ASTN2: variants seen among roughly 807,000 people sequenced by gnomAD.
ASTN2 encodes the protein astrotactin-2.
Under a neutral mutation model 139.8 loss-of-function variants are expected in ASTN2, and 54 were observed. The observed-to-expected ratio is 0.39, with a 90% CI of 0.31 to 0.48. ASTN2 has a LOEUF of 0.48. ASTN2 is among the 20% of genes least tolerant of loss of function. The pLI, the probability that ASTN2 is intolerant of heterozygous loss-of-function variation, is 0.95. For missense variants in ASTN2, 1,565 were observed against 1,725.1 expected, an observed-to-expected ratio of 0.91 and a Z score of 1.64; for synonymous variants, 756 against 719.5, an observed-to-expected ratio of 1.05 and a Z score of -0.81.
At chr9:116,622,848 T>C (rs1263797358) in intron 17 of ASTN2, among the ~76,000 whole-genome samples, 1 of 152,240 alleles carries the variant, frequency 6.6e-6, no homozygotes, top group Non-Finnish European at 1.5e-5. Context: ...CCAGAACCTA[T>C]GCTAAGAACA....
At chr9:117,039,169 A>G (rs1165661147) in intron 6 of ASTN2, among the ~76,000 whole-genome samples, 1 of 152,176 alleles carries the variant, frequency 6.6e-6, no homozygotes, top group Admixed American at 6.5e-5. Flanking sequence ...TTAAAACTTT[A>G]TCGTTGCTCA....
At chr9:116,527,409 C>T (rs868758420) in intron 19 of ASTN2, among the ~76,000 whole-genome samples, 8 of 152,034 alleles carry the variant, frequency 5.3e-5, no homozygotes, top group Non-Finnish European at 8.8e-5. Context: ...AAAAGGCCAA[C>T]AGGTATATGA....
At position 116,626,175 on chromosome 9, in the gene ASTN2, T is replaced by G. The variant is rs888728021; in HGVS notation, c.3073-5732A>C. Among the ~76,000 whole-genome samples, 14 of 133,802 alleles carry G rather than the reference T, an allele frequency of 1.0e-4. 1 individual carries two copies. Among genetic ancestry groups the G allele is most frequent in the African/African-American group, 3.5e-4 (12 of 33,844 alleles). 87.8% of individuals were successfully genotyped at this position (133,802 alleles called of 152,430 possible). On this transcript the variant is annotated intron_variant, in intron 17 of 22. Transcript: ENST00000313400. ...TTGTGTTTTTTTTTTTTTTTTTTTTTTTTTTTTTTTGGTAGAGACACTGTT... is the reference window on the plus strand; with the variant it reads ...TTGTGTTTTTTTTTTTTTTTTTTTTGTTTTTTTTTTGGTAGAGACACTGTT...
chr9:116,538,258 CAG>C (rs1480057346), intron 19 of ASTN2, among the ~76,000 whole-genome samples: 1 of 141,070 alleles, frequency 7.1e-6, no homozygotes, highest in Non-Finnish European at 1.5e-5. Flanking sequence ...ATGAAAAAGA[CAG>C]AAAGAAAGGA....
intron 5 of ASTN2, among the ~76,000 whole-genome samples, chr9:117,074,723 T>C (rs1236164229): frequency 6.6e-6 from 1 of 152,232 alleles, no homozygotes; most frequent in East Asian, 1.9e-4. Flanking sequence ...GGGCTGTGTA[T>C]ACAATACCTC....
intron 16 of ASTN2, among the ~76,000 whole-genome samples, chr9:116,715,808 C>G (rs185436591): frequency 6.6e-6 from 1 of 152,024 alleles, no homozygotes; most frequent in Non-Finnish European, 1.5e-5. Context: ...AATGATAGAG[C>G]GGTGAGAAAG....
At position 116,760,216 on chromosome 9, in the gene ASTN2, C is replaced by A. The variant is rs192053720; in HGVS notation, c.2397-26693G>T. The stretch of plus-strand genomic sequence containing the variant: ...CCTGGGCTGGGATGCACAGGCTAGC[C>A]TCAAAGTGCCAGCTTTTGCCACACC... On this transcript the variant is annotated intron_variant, in intron 13 of 22. Coordinates refer to ENST00000313400, the MANE Select transcript of ASTN2 (RefSeq NM_001365068.1). Among the ~76,000 whole-genome samples, 11 of 152,348 alleles carry A rather than the reference C, an allele frequency of 7.2e-5. No individual in the cohort carries two copies. The East Asian group carries it at 2.1e-3, about 29-fold the overall frequency.
At chr9:117,107,738 A>T (rs1007863663) in intron 4 of ASTN2, among the ~76,000 whole-genome samples, 2 of 152,196 alleles carry the variant, frequency 1.3e-5, no homozygotes, top group African/African-American at 4.8e-5. Flanking sequence ...CTTACACTCA[A>T]CATGCCCTCA....
At chr9:117,240,833 C>A (rs1010346634) in intron 2 of ASTN2, among the ~76,000 whole-genome samples, 1 of 152,128 alleles carries the variant, frequency 6.6e-6, no homozygotes. Context: ...GACTTAGGAC[C>A]TAAGCCATGC....
intron 5 of ASTN2, among the ~76,000 whole-genome samples, chr9:117,050,111 T>A (rs1432306520): frequency 6.6e-6 from 1 of 152,062 alleles, no homozygotes; most frequent in Non-Finnish European, 1.5e-5. Context: ...TACAGGCTGT[T>A]TAGATGCACC....
intron 20 of ASTN2, among the ~76,000 whole-genome samples, chr9:116,453,386 G>A (rs1848230309): frequency 6.6e-6 from 1 of 151,916 alleles, no homozygotes. Context: ...GAGGTCAGGA[G>A]ATCGAGACCA....
intron 1 of ASTN2, among the ~76,000 whole-genome samples, chr9:117,328,596 T>A (rs1828597980): frequency 6.6e-6 from 1 of 152,138 alleles, no homozygotes; most frequent in South Asian, 2.1e-4. Flanking sequence ...CCAATGATTG[T>A]TAATTAATCC....
intron 6 of ASTN2, among the ~76,000 whole-genome samples, chr9:117,009,839 G>A (rs143203110): frequency 1.3e-5 from 2 of 152,250 alleles, no homozygotes; most frequent in Non-Finnish European, 2.9e-5. Context: ...CTTGGCTCTG[G>A]TGCACAGCTG....
intron 20 of ASTN2, among the ~76,000 whole-genome samples, chr9:116,472,143 G>A (rs896810534): frequency 6.6e-5 from 10 of 152,156 alleles, no homozygotes; most frequent in Non-Finnish European, 1.2e-4. Context: ...CCTTATCACT[G>A]CTCCTCCTTA....
chr9:117,298,955 A>G (rs1029658107), intron 1 of ASTN2, among the ~76,000 whole-genome samples: 2 of 152,090 alleles, frequency 1.3e-5, no homozygotes, highest in African/African-American at 2.4e-5. Context: ...TGGGGTGTCA[A>G]TAATGGCTGG....
intron 20 of ASTN2, among the ~76,000 whole-genome samples, chr9:116,446,229 G>A (rs1847984728): frequency 6.9e-6 from 1 of 144,618 alleles, no homozygotes; most frequent in Non-Finnish European, 1.5e-5. Context: ...GACAGAGAGA[G>A]ACAGAGACAG....
chr9:117,137,292 G>T (rs545752992), intron 4 of ASTN2, among the ~76,000 whole-genome samples: 1 of 152,270 alleles, frequency 6.6e-6, no homozygotes, highest in South Asian at 2.1e-4. Flanking sequence ...CATGGCACTG[G>T]TTCTCGGCTA....
At chr9:116,761,692 G>A (rs1290311932) in intron 13 of ASTN2, among the ~76,000 whole-genome samples, 1 of 152,260 alleles carries the variant, frequency 6.6e-6, no homozygotes, top group Admixed American at 6.5e-5. Flanking sequence ...GGAGACACTT[G>A]AGAGATGGGC....
intron 1 of ASTN2, among the ~76,000 whole-genome samples, chr9:117,321,008 A>G (rs1261915765): frequency 6.6e-6 from 1 of 152,218 alleles, no homozygotes; most frequent in Non-Finnish European, 1.5e-5. Context: ...AAAAATGCCC[A>G]TCTCCTCCAC....
Sources: gnomAD v4.1 joint callset for allele counts (sites outside exome capture counted in the v4.1 genomes callset) on GRCh38, gnomAD v4.1.1 for gene constraint, MANE v1.5 for transcripts, NCBI Gene and HGNC (gene_info 2026-07-23, HGNC 2026-07-21) for gene names.